Variants in C12orf42 observed in about 807,000 individuals in gnomAD.
The protein encoded by C12orf42 is uncharacterized protein C12orf42.
A neutral mutation model predicts 21.6 loss-of-function variants in C12orf42; 25 were observed. That is an observed-to-expected ratio of 1.16 (90% CI 0.84 to 1.62). C12orf42 has a LOEUF of 1.62. Among genes scored for constraint, C12orf42 ranks in the 40% most tolerant of loss-of-function variants. The pLI is 0.00. For missense variants in C12orf42, 483 were observed against 459.3 expected (o/e 1.05, Z -0.47); for synonymous variants, 174 against 175.0 (o/e 0.99, Z 0.05).
chr12:103,088,455 A>G, the C12orf42 span, among the ~76,000 whole-genome samples: 12 of 152,322 alleles, frequency 7.9e-5, no homozygotes, highest in African/African-American at 2.9e-4. Flanking sequence ...ATAGACTGAT[A>G]TGTGGAGAAT....
At chr12:103,160,897 C>T in the C12orf42 span, among the ~76,000 whole-genome samples, 2 of 152,242 alleles carry the variant, frequency 1.3e-5, no homozygotes, top group East Asian at 3.8e-4. Flanking sequence ...TTACCACTCA[C>T]TATACAGTCA....
At chr12:103,439,070 A>G (rs867092832) in intron 2 of C12orf42, among the ~76,000 whole-genome samples, 21 of 152,116 alleles carry the variant, frequency 1.4e-4, no homozygotes, top group South Asian at 6.2e-4. Flanking sequence ...ATATAGATCA[A>G]TGGAACAGAA....
chr12:103,338,773 T>C (rs562399729), intron 4 of C12orf42, among the ~76,000 whole-genome samples: 46 of 152,232 alleles, frequency 3.0e-4, no homozygotes, highest in Non-Finnish European at 2.9e-4. Context: ...ACAAAAACTA[T>C]TGATGTGTGC....
At chr12:103,448,691 A>G (rs1187822992) in intron 2 of C12orf42, among the ~76,000 whole-genome samples, 2 of 152,052 alleles carry the variant, frequency 1.3e-5, no homozygotes, top group African/African-American at 4.8e-5. Context: ...AAAATGCTCA[A>G]CATCACTAAT....
intron 4 of C12orf42, among the ~76,000 whole-genome samples, chr12:103,323,321 A>T (rs2040366060): frequency 6.6e-6 from 1 of 152,212 alleles, no homozygotes; most frequent in Admixed American, 6.5e-5. Flanking sequence ...AGACAGAAAT[A>T]GTTATTATGT....
At chr12:103,123,522 A>C in the C12orf42 span, among the ~76,000 whole-genome samples, 1 of 152,198 alleles carries the variant, frequency 6.6e-6, no homozygotes, top group Admixed American at 6.5e-5. Flanking sequence ...CTATTTGAGG[A>C]GCTTGGTGAT....
intron 4 of C12orf42, among the ~76,000 whole-genome samples, chr12:103,359,213 T>C (rs981691036): frequency 1.3e-5 from 2 of 152,088 alleles, no homozygotes; most frequent in Non-Finnish European, 2.9e-5. Flanking sequence ...CTTACCTTTT[T>C]AAAAGAAGTC....
chr12:103,438,906 A>C (rs943079735), intron 2 of C12orf42, among the ~76,000 whole-genome samples: 6 of 151,794 alleles, frequency 4.0e-5, no homozygotes, highest in African/African-American at 1.5e-4. Flanking sequence ...GGAAAAAACT[A>C]CTTTAAAGTT....
chr12:103,097,531 C>T, the C12orf42 span, among the ~76,000 whole-genome samples: 2 of 152,162 alleles, frequency 1.3e-5, no homozygotes, highest in African/African-American at 4.8e-5. Context: ...TCTACAGAGT[C>T]TTTCAAAAAT....
At chr12:103,319,363 G>C (rs61429003) in intron 4 of C12orf42, among the ~76,000 whole-genome samples, 3,026 of 152,150 alleles carry the variant, frequency 0.02, 91 homozygotes, top group African/African-American at 0.068. Flanking sequence ...GAGTCACACA[G>C]GGAGTCAGAA....
the C12orf42 span, among the ~76,000 whole-genome samples, chr12:103,193,691 C>T: frequency 1.3e-5 from 2 of 151,980 alleles, no homozygotes; most frequent in Non-Finnish European, 2.9e-5. Flanking sequence ...GAGATTGCAT[C>T]AGTAATCGAA....
chr12:103,066,385 C>T, the C12orf42 span, among the ~76,000 whole-genome samples: 1 of 152,204 alleles, frequency 6.6e-6, no homozygotes, highest in Admixed American at 6.5e-5. Flanking sequence ...GTCTCCACTC[C>T]TGCCACCCTG....
intron 3 of C12orf42, among the ~76,000 whole-genome samples, chr12:103,377,986 C>T (rs907083613): frequency 4.6e-5 from 7 of 152,200 alleles, no homozygotes; most frequent in African/African-American, 9.6e-5. Flanking sequence ...TAAAGCAGGG[C>T]GTTTCAATCT....
At chr12:103,508,825 G>T in the C12orf42 span, among the ~76,000 whole-genome samples, 1 of 152,104 alleles carries the variant, frequency 6.6e-6, no homozygotes, top group Non-Finnish European at 1.5e-5. Flanking sequence ...CAAATTATTT[G>T]ATCTTTCTAA....
the C12orf42 span, among the ~76,000 whole-genome samples, chr12:103,162,154 G>C: frequency 6.6e-6 from 1 of 152,164 alleles, no homozygotes; most frequent in Non-Finnish European, 1.5e-5. Context: ...TGAAGATCCA[G>C]CATGCGCCTT....
chr12:103,297,920 A>C (rs1380958507), downstream of C12orf42, among the ~76,000 whole-genome samples: 1 of 149,364 alleles, frequency 6.7e-6, no homozygotes, highest in Non-Finnish European at 1.5e-5. Context: ...CATGCTAAAA[A>C]CTCTCAATAA....
chr12:103,391,427 C>T (rs12230309), intron 3 of C12orf42, among the ~76,000 whole-genome samples: 26,473 of 151,984 alleles, frequency 0.17, 2,670 homozygotes, highest in African/African-American at 0.29. Context: ...TTTGCCAAAA[C>T]ATATCATTTT....
chr12:103,467,660 G>T (rs1160743674), intron 2 of C12orf42, among the ~76,000 whole-genome samples: 2 of 152,208 alleles, frequency 1.3e-5, no homozygotes, highest in Admixed American at 1.3e-4. Flanking sequence ...GACTTTAGAG[G>T]ACTGGACTAG....
intron 3 of C12orf42, among the ~76,000 whole-genome samples, chr12:103,396,221 G>A (rs897476857): frequency 2.0e-5 from 3 of 152,016 alleles, no homozygotes; most frequent in African/African-American, 4.8e-5. Flanking sequence ...CCCCCATGCT[G>A]TTCTCATGGT....
Sources: gnomAD v4.1 joint callset for allele counts (sites outside exome capture counted in the v4.1 genomes callset) on GRCh38, gnomAD v4.1.1 for gene constraint, MANE v1.5 for transcripts, NCBI Gene and HGNC (gene_info 2026-07-23, HGNC 2026-07-21) for gene names.